The following AKAP19 variants were observed in gnomAD, a reference collection of about 807,000 sequenced individuals.
The protein encoded by AKAP19 is small A-kinase anchoring protein.
chr2:189,901,634 G>A, the AKAP19 span, among the ~76,000 whole-genome samples: 18 of 152,166 alleles, frequency 1.2e-4, no homozygotes, highest in African/African-American at 3.9e-4. Flanking sequence ...CACCATGCCC[G>A]GCTGCATTTT....
the AKAP19 span, among the ~76,000 whole-genome samples, chr2:190,017,323 T>C: frequency 6.6e-6 from 1 of 152,172 alleles, no homozygotes; most frequent in Non-Finnish European, 1.5e-5. Flanking sequence ...TTGTAATTTG[T>C]CTTCTGGTTG....
chr2:189,898,831 C>G, the AKAP19 span, among the ~76,000 whole-genome samples: 1 of 152,160 alleles, frequency 6.6e-6, no homozygotes, highest in Non-Finnish European at 1.5e-5. Context: ...TCCCATATTG[C>G]AACGAAAGAA....
the AKAP19 span, among the ~76,000 whole-genome samples, chr2:190,083,644 A>C: frequency 3.3e-5 from 5 of 152,330 alleles, no homozygotes; most frequent in African/African-American, 4.8e-5. Flanking sequence ...TACATTGTTG[A>C]ACTCTAGGGC....
At chr2:189,980,444 C>T in the AKAP19 span, among the ~76,000 whole-genome samples, 4 of 152,178 alleles carry the variant, frequency 2.6e-5, no homozygotes, top group African/African-American at 4.8e-5. Context: ...GTTCAATTCT[C>T]ATGCCTCAGC....
the AKAP19 span, among the ~76,000 whole-genome samples, chr2:190,144,185 A>AT: frequency 2.4e-4 from 7 of 28,658 alleles, no homozygotes; most frequent in Non-Finnish European, 9.5e-4. Flanking sequence ...AGAAAAGAAA[A>AT]GAAAAAAAAT....
chr2:190,113,872 TGCCTGCATACAAGACCTTGATTCAG>T, the AKAP19 span, among the ~76,000 whole-genome samples: 1 of 152,352 alleles, frequency 6.6e-6, no homozygotes, highest in Non-Finnish European at 1.5e-5. Flanking sequence ...CAAAGTAATC[TGCCTGCATACAAGACCTTGATTCAG>T]GCTCTCTTTT....
chr2:190,133,327 G>GA, the AKAP19 span, among the ~76,000 whole-genome samples: 1 of 145,920 alleles, frequency 6.9e-6, no homozygotes, highest in Non-Finnish European at 1.5e-5. Context: ...ACAGGTATAT[G>GA]AAAAAAACAT....
the AKAP19 span, among the ~76,000 whole-genome samples, chr2:190,134,790 C>A: frequency 1.3e-5 from 2 of 152,030 alleles, no homozygotes; most frequent in South Asian, 4.1e-4. Context: ...AAGGGTGCAT[C>A]TTACTGTATT....
the AKAP19 span, among the ~76,000 whole-genome samples, chr2:190,113,965 C>G: frequency 1.3e-5 from 2 of 152,140 alleles, no homozygotes; most frequent in African/African-American, 4.8e-5. Flanking sequence ...TTTTTTTCCT[C>G]TCTTACCATC....
chr2:190,010,198 T>C, the AKAP19 span, among the ~76,000 whole-genome samples: 1 of 152,338 alleles, frequency 6.6e-6, no homozygotes, highest in Middle Eastern at 3.4e-3. Flanking sequence ...TAGGATCTAC[T>C]ACACAAGTGG....
the AKAP19 span, among the ~76,000 whole-genome samples, chr2:190,179,046 A>G: frequency 2.6e-5 from 4 of 152,228 alleles, no homozygotes; most frequent in African/African-American, 9.6e-5. The surrounding 1 kb of genome is among the most constrained non-coding windows in gnomAD (Gnocchi z 6.0). Flanking sequence ...ATTATTTAGC[A>G]TGGTGTGCCT....
chr2:190,200,736 T>C, the AKAP19 span: 1 of 168,354 alleles, frequency 5.9e-6, no homozygotes, highest in African/African-American at 2.4e-5. Context: ...CCCTAACTAA[T>C]TACAGCTGTT....
the AKAP19 span, among the ~76,000 whole-genome samples, chr2:189,970,394 C>G: frequency 6.6e-6 from 1 of 152,022 alleles, no homozygotes; most frequent in East Asian, 1.9e-4. Context: ...TTATCATTCC[C>G]ATATTTTTAG....
the AKAP19 span, among the ~76,000 whole-genome samples, chr2:189,948,627 G>A: frequency 1.3e-5 from 2 of 152,050 alleles, no homozygotes; most frequent in South Asian, 2.1e-4. Context: ...AACTTATAGC[G>A]CCACTTTATC....
chr2:189,982,149 T>G, the AKAP19 span, among the ~76,000 whole-genome samples: 1 of 152,162 alleles, frequency 6.6e-6, no homozygotes, highest in South Asian at 2.1e-4. Context: ...GCTATTACAT[T>G]ATAGGTTTGG....
At chr2:190,043,678 A>G in the AKAP19 span, among the ~76,000 whole-genome samples, 1 of 152,056 alleles carries the variant, frequency 6.6e-6, no homozygotes, top group Admixed American at 6.6e-5. Context: ...CATGTTCTGA[A>G]TTCTATTTCT....
the AKAP19 span, among the ~76,000 whole-genome samples, chr2:189,972,217 A>G: frequency 9.2e-3 from 1,402 of 152,262 alleles, 76 homozygotes; most frequent in Admixed American, 0.071. Flanking sequence ...CAGTTTTCCC[A>G]GCACCATTTA....
At chr2:190,126,855 C>T in the AKAP19 span, among the ~76,000 whole-genome samples, 1 of 152,046 alleles carries the variant, frequency 6.6e-6, no homozygotes, top group South Asian at 2.1e-4. Context: ...CTCTCTCTCT[C>T]TCAACTTTGT....
the AKAP19 span, among the ~76,000 whole-genome samples, chr2:189,990,702 T>A: frequency 1.8e-4 from 28 of 152,194 alleles, no homozygotes; most frequent in African/African-American, 6.8e-4. Flanking sequence ...TTTATTCTTT[T>A]TAAAAATTAT....
Sources: allele counts gnomAD v4.1 joint callset (sites outside exome capture counted in the v4.1 genomes callset), GRCh38; gene constraint gnomAD v4.1.1; non-coding constraint Gnocchi (gnomAD v3.1); transcripts MANE v1.5; gene names NCBI Gene and HGNC (gene_info 2026-07-23, HGNC 2026-07-21).